Variants in IMMP2L observed in about 807,000 individuals in gnomAD.
IMMP2L encodes inner mitochondrial membrane peptidase subunit 2.
In IMMP2L, 18 loss-of-function variants were observed where a neutral mutation model predicts 19.3. That is an observed-to-expected ratio of 0.93 (90% confidence interval 0.64 to 1.38). The LOEUF (loss-of-function observed/expected upper bound fraction) is 1.38. IMMP2L is among the 40% of genes most tolerant of loss of function. The probability of loss-of-function intolerance (pLI) is 0.00; values close to 1 mark genes in which losing one functional copy is unlikely to be tolerated. For synonymous variants in IMMP2L, 76 were observed against 73.0 expected (o/e 1.04, Z -0.21); for missense variants, 233 against 218.2 (o/e 1.07, Z -0.43).
intron 4 of IMMP2L, among the ~76,000 whole-genome samples, chr7:110,916,029 T>C (rs1813574632): frequency 6.6e-6 from 1 of 152,176 alleles, no homozygotes; most frequent in South Asian, 2.1e-4. Context: ...AAAACATGTT[T>C]ATTAAAAGGC....
intron 3 of IMMP2L, among the ~76,000 whole-genome samples, chr7:111,261,111 C>T (rs1038962043): frequency 1.3e-5 from 2 of 152,056 alleles, no homozygotes; most frequent in African/African-American, 4.8e-5. Context: ...CTTCCATTAA[C>T]TTCTTTAAAT....
intron 3 of IMMP2L, among the ~76,000 whole-genome samples, chr7:111,017,150 C>T (rs1311812653): frequency 1.3e-5 from 2 of 150,364 alleles, no homozygotes; most frequent in African/African-American, 4.9e-5. Context: ...TCACTGCAGC[C>T]TCAACCTCCT....
At chr7:110,670,276 A>G (rs1791800206) in intron 5 of IMMP2L, among the ~76,000 whole-genome samples, 1 of 152,142 alleles carries the variant, frequency 6.6e-6, no homozygotes, top group Admixed American at 6.5e-5. Flanking sequence ...CATATACTGA[A>G]CCCTTGATCT....
chr7:110,993,595 GAA>G (rs112398359), intron 3 of IMMP2L, among the ~76,000 whole-genome samples: 1 of 143,056 alleles, frequency 7.0e-6, no homozygotes, highest in Non-Finnish European at 1.5e-5. Context: ...TAGATTTCAT[GAA>G]AAAAAAAAAC....
intron 4 of IMMP2L, among the ~76,000 whole-genome samples, chr7:110,953,835 T>A (rs566067828): frequency 1.3e-5 from 2 of 152,242 alleles, no homozygotes; most frequent in African/African-American, 4.8e-5. Context: ...ATCTGTTGTT[T>A]CCTGACTTTT....
intron 3 of IMMP2L, 121 bp downstream of exon 3, chr7:111,487,117 G>T (rs1442047033): frequency 2.0e-6 from 1 of 495,348 alleles, no homozygotes; most frequent in African/African-American, 1.9e-5. Context: ...AAAATGCATT[G>T]TATTTAACAT....
chr7:111,257,065 C>G (rs1010440474), intron 3 of IMMP2L, among the ~76,000 whole-genome samples: 1 of 152,180 alleles, frequency 6.6e-6, no homozygotes, highest in African/African-American at 2.4e-5. Flanking sequence ...TCACATTTAT[C>G]AGGTTATGAT....
At chr7:111,274,870 A>C (rs1394503991) in intron 3 of IMMP2L, among the ~76,000 whole-genome samples, 1 of 152,168 alleles carries the variant, frequency 6.6e-6, no homozygotes, top group Non-Finnish European at 1.5e-5. Flanking sequence ...TTAGAGAATT[A>C]ACAGAGTGCA....
At chr7:111,505,007 A>G (rs1410532651) in intron 2 of IMMP2L, among the ~76,000 whole-genome samples, 3 of 152,164 alleles carry the variant, frequency 2.0e-5, no homozygotes, top group Non-Finnish European at 4.4e-5. Context: ...CTGCACAGCA[A>G]AAGAAACTAC....
intron 3 of IMMP2L, among the ~76,000 whole-genome samples, chr7:111,297,470 C>T (rs543078647): frequency 6.6e-6 from 1 of 152,226 alleles, no homozygotes; most frequent in East Asian, 1.9e-4. Flanking sequence ...ACTGGTGAGA[C>T]TGTCACACAA....
intron 5 of IMMP2L, among the ~76,000 whole-genome samples, chr7:110,871,159 A>T (rs1808502506): frequency 6.6e-6 from 1 of 152,094 alleles, no homozygotes; most frequent in African/African-American, 2.4e-5. Context: ...ATCTACTGAA[A>T]TGGAAGAAAT....
At chr7:111,073,307 G>T (rs1283029958) in intron 3 of IMMP2L, among the ~76,000 whole-genome samples, 3 of 152,124 alleles carry the variant, frequency 2.0e-5, no homozygotes, top group African/African-American at 7.2e-5. Flanking sequence ...GCAAGAATGA[G>T]AGTGGGTGTG....
In IMMP2L at chr7:110,792,590, A is replaced by C. The variant is rs113467735; in HGVS notation, c.408+94003T>G. ...TCTCATATACTTCGATCTCCCCCACAGTACAGTTTCTCCCACTAACAATGT... is the reference window on the plus strand; with the variant it reads ...TCTCATATACTTCGATCTCCCCCACCGTACAGTTTCTCCCACTAACAATGT... On this transcript the variant is annotated intron_variant, in intron 5 of 5. Coordinates refer to ENST00000405709, the MANE Select transcript of IMMP2L (RefSeq NM_032549.4). Among the ~76,000 whole-genome samples, 231 of 152,252 alleles carry C rather than the reference A, an allele frequency of 1.5e-3. 1 individual carries two copies. The highest frequency in any genetic ancestry group is 2.7e-3 in the Non-Finnish European group (184 of 68,016).
intron 2 of IMMP2L, among the ~76,000 whole-genome samples, chr7:111,514,924 T>C (rs561536650): frequency 2.0e-5 from 3 of 152,094 alleles, no homozygotes; most frequent in Non-Finnish European, 2.9e-5. Flanking sequence ...ACAAGTGATA[T>C]AAGTAGTGCT....
intron 5 of IMMP2L, among the ~76,000 whole-genome samples, chr7:110,714,737 C>T (rs1336128256): frequency 6.6e-6 from 1 of 152,132 alleles, no homozygotes; most frequent in Non-Finnish European, 1.5e-5. Flanking sequence ...GCTGGGATTA[C>T]AGGTACCTGC....
At chr7:111,495,590 T>G (rs1163063263) in intron 2 of IMMP2L, among the ~76,000 whole-genome samples, 1 of 152,182 alleles carries the variant, frequency 6.6e-6, no homozygotes, top group Non-Finnish European at 1.5e-5. Flanking sequence ...TATGACAGGT[T>G]TGGAAGAATT....
intron 3 of IMMP2L, among the ~76,000 whole-genome samples, chr7:111,136,676 C>T (rs1373834894): frequency 6.6e-6 from 1 of 152,118 alleles, no homozygotes; most frequent in East Asian, 1.9e-4. Context: ...TAACCAAATT[C>T]CTGCACTATT....
chr7:111,451,756 A>G (rs906587404), intron 3 of IMMP2L, among the ~76,000 whole-genome samples: 1 of 151,938 alleles, frequency 6.6e-6, no homozygotes, highest in Non-Finnish European at 1.5e-5. Flanking sequence ...AGAATAAAGG[A>G]AAAAAGCAGA....
At chr7:111,160,990 AT>A (rs1223434947) in intron 3 of IMMP2L, among the ~76,000 whole-genome samples, 14 of 151,836 alleles carry the variant, frequency 9.2e-5, no homozygotes, top group African/African-American at 3.4e-4. Context: ...AGTTGAAAAA[AT>A]GTCATTAAAT....
Sources: gnomAD v4.1 joint callset for allele counts (sites outside exome capture counted in the v4.1 genomes callset) on GRCh38, gnomAD v4.1.1 for gene constraint, MANE v1.5 for transcripts, NCBI Gene and HGNC (gene_info 2026-07-23, HGNC 2026-07-21) for gene names.